The following NRG3 variants were observed in gnomAD, a reference collection of about 807,000 sequenced individuals.
NRG3 encodes the protein pro-neuregulin-3, membrane-bound isoform.
Under a neutral mutation model 66.9 loss-of-function variants are expected in NRG3, and 31 were observed. The ratio of observed to expected loss-of-function variants is 0.46; its 90% CI spans 0.35 to 0.63. The LOEUF (loss-of-function observed/expected upper bound fraction) is 0.63. Ranked by LOEUF, NRG3 falls within the 20% of genes least tolerant of loss-of-function variation. The probability of loss-of-function intolerance (pLI) is 0.00; values close to 1 mark genes in which losing one functional copy is unlikely to be tolerated. For missense variants in NRG3, 910 were observed against 878.9 expected (o/e 1.04, Z -0.45); for synonymous variants, 393 against 359.4 (o/e 1.09, Z -1.06).
At chr10:82,977,869 C>A (rs1852448522) in intron 7 of NRG3, among the ~76,000 whole-genome samples, 1 of 152,096 alleles carries the variant, frequency 6.6e-6, no homozygotes, top group South Asian at 2.1e-4. Context: ...AGTGACATAA[C>A]CCCAAATAAT....
intron 4 of NRG3, among the ~76,000 whole-genome samples, chr10:82,917,357 C>T (rs1183020566): frequency 6.6e-6 from 1 of 152,156 alleles, no homozygotes; most frequent in Non-Finnish European, 1.5e-5. Context: ...AAAAAGCCTT[C>T]ACAATGAAGT....
chr10:82,647,946 T>C (rs1321107471), intron 2 of NRG3, among the ~76,000 whole-genome samples: 4 of 146,784 alleles, frequency 2.7e-5, no homozygotes, highest in Admixed American at 1.4e-4. Flanking sequence ...TTCTCCCATT[T>C]TGTAGGTTGC....
intron 2 of NRG3, among the ~76,000 whole-genome samples, chr10:82,670,309 T>A (rs1331637906): frequency 6.6e-6 from 1 of 152,156 alleles, no homozygotes; most frequent in Non-Finnish European, 1.5e-5. Context: ...ACCCCATAAA[T>A]GAAGCACAAA....
At chr10:81,999,319 C>T (rs1400204784) in intron 1 of NRG3, among the ~76,000 whole-genome samples, 2 of 152,066 alleles carry the variant, frequency 1.3e-5, no homozygotes, top group Admixed American at 6.6e-5. Context: ...TTAAGAAGAA[C>T]GATTTCTAAA....
At chr10:82,981,747 C>T (rs1852927263) in intron 8 of NRG3, among the ~76,000 whole-genome samples, 1 of 152,098 alleles carries the variant, frequency 6.6e-6, no homozygotes, top group African/African-American at 2.4e-5. Flanking sequence ...ATGACTGGAT[C>T]CCTGGTCAAT....
chr10:82,480,091 G>A (rs1168801501), intron 2 of NRG3, among the ~76,000 whole-genome samples: 1 of 152,220 alleles, frequency 6.6e-6, no homozygotes, highest in Non-Finnish European at 1.5e-5. Context: ...AATGAAAGAA[G>A]CCAAACTCGA....
At chr10:82,879,618 G>A (rs1282636546) in intron 4 of NRG3, among the ~76,000 whole-genome samples, 3 of 151,890 alleles carry the variant, frequency 2.0e-5, no homozygotes, top group South Asian at 2.1e-4. Context: ...GACTACAGGC[G>A]CCCGCCACCA....
At chr10:81,947,633 G>T (rs995157639) in intron 1 of NRG3, among the ~76,000 whole-genome samples, 12 of 146,562 alleles carry the variant, frequency 8.2e-5, no homozygotes, top group East Asian at 6.0e-4. Flanking sequence ...AGTATGTTGG[G>T]TTTTTTTTTT....
At chr10:82,145,071 G>A (rs73320365) in intron 1 of NRG3, among the ~76,000 whole-genome samples, 14,102 of 152,204 alleles carry the variant, frequency 0.093, 964 homozygotes, top group African/African-American at 0.18. Flanking sequence ...TAAAGGGGAT[G>A]CAGCTGTCTG....
intron 2 of NRG3, among the ~76,000 whole-genome samples, chr10:82,706,534 T>C (rs2134343472): frequency 6.6e-6 from 1 of 152,322 alleles, no homozygotes; most frequent in African/African-American, 2.4e-5. Flanking sequence ...GACAAGTACT[T>C]GTATATTTTT....
intron 6 of NRG3, among the ~76,000 whole-genome samples, chr10:82,960,917 G>T (rs1456128602): frequency 1.3e-5 from 2 of 151,894 alleles, no homozygotes; most frequent in African/African-American, 4.8e-5. Flanking sequence ...TCTCTTTTTG[G>T]ACTCAGACCG....
At chr10:81,907,901 T>A (rs1041443273) in intron 1 of NRG3, among the ~76,000 whole-genome samples, 1 of 152,210 alleles carries the variant, frequency 6.6e-6, no homozygotes. Flanking sequence ...CACTCTGATT[T>A]GAAAGCTAGT....
intron 1 of NRG3, among the ~76,000 whole-genome samples, chr10:82,337,128 A>G (rs1198463505): frequency 6.6e-6 from 1 of 152,208 alleles, no homozygotes; most frequent in Non-Finnish European, 1.5e-5. Context: ...AAAAGGGTTT[A>G]TAGGAAACCA....
In NRG3 at chr10:82,774,038, C is replaced by T. The variant is rs1169276990; in HGVS notation, c.1027+35388C>T. Among the ~76,000 whole-genome samples the T allele has an allele frequency of 1.9e-4, 29 of 152,180 alleles. 1 individual carries two copies. Among genetic ancestry groups the T allele is most frequent in the Admixed American group, 1.9e-3 (29 of 15,288 alleles). On this transcript the variant is annotated intron_variant, in intron 3 of 8. Coordinates refer to ENST00000372141, the MANE Select transcript of NRG3 (RefSeq NM_001010848.4). ...GCATATATTAAACTGGCTTTGCATG[C>T]CAGGGATATATCACACTTGGTCATC...
intron 2 of NRG3, among the ~76,000 whole-genome samples, chr10:82,623,255 A>G (rs1418154551): frequency 2.6e-5 from 4 of 152,250 alleles, no homozygotes; most frequent in South Asian, 4.1e-4. Context: ...TCTGAAGCTG[A>G]GGTGGTAACA....
At chr10:82,504,862 CT>C (rs200732192) in intron 2 of NRG3, among the ~76,000 whole-genome samples, 2 of 151,686 alleles carry the variant, frequency 1.3e-5, no homozygotes, top group African/African-American at 2.4e-5. Context: ...ATACATCACA[CT>C]TTTTTTTACT....
At chr10:82,349,145 T>G (rs1309254288) in intron 1 of NRG3, among the ~76,000 whole-genome samples, 18 of 151,810 alleles carry the variant, frequency 1.2e-4, no homozygotes, top group Middle Eastern at 6.8e-3. Flanking sequence ...GGCGCTCTGC[T>G]TTTTAGAGTT....
chr10:81,998,450 A>C (rs896351658), intron 1 of NRG3, among the ~76,000 whole-genome samples: 1 of 152,032 alleles, frequency 6.6e-6, no homozygotes, highest in Non-Finnish European at 1.5e-5. Context: ...TCATGTCCTC[A>C]ATTCTCCACA....
At chr10:82,299,464 C>G (rs1564765795) in intron 1 of NRG3, among the ~76,000 whole-genome samples, 1 of 151,960 alleles carries the variant, frequency 6.6e-6, no homozygotes, top group Non-Finnish European at 1.5e-5. Context: ...CAACCACTAT[C>G]CATGAGCACA....
Sources: gnomAD v4.1 joint callset for allele counts (sites outside exome capture counted in the v4.1 genomes callset) on GRCh38, gnomAD v4.1.1 for gene constraint, MANE v1.5 for transcripts, NCBI Gene and HGNC (gene_info 2026-07-23, HGNC 2026-07-21) for gene names.